PPP1R1C: variants seen among roughly 807,000 people sequenced by gnomAD.
The protein encoded by PPP1R1C is protein phosphatase 1 regulatory inhibitor subunit 1C.
PPP1R1C carries 15 observed loss-of-function variants against 17.4 expected under a neutral mutation model. That is an observed-to-expected ratio of 0.86 (90% CI 0.58 to 1.33). PPP1R1C has a LOEUF of 1.33. Among genes scored for constraint, PPP1R1C ranks in the 40% most tolerant of loss-of-function variants. The pLI, the probability that PPP1R1C is intolerant of heterozygous loss-of-function variation, is 0.00. For synonymous variants in PPP1R1C, 35 were observed against 43.1 expected, an observed-to-expected ratio of 0.81 and a Z score of 0.73; for missense variants, 143 against 130.0, an observed-to-expected ratio of 1.10 and a Z score of -0.48.
intron 2 of PPP1R1C, among the ~76,000 whole-genome samples, chr2:182,061,044 A>G (rs1687834565): frequency 6.6e-6 from 1 of 152,080 alleles, no homozygotes; most frequent in South Asian, 2.1e-4. Context: ...AGGAGATTTG[A>G]TTTGGGTAGT....
chr2:181,972,110 G>A (rs1385665413), intron 1 of PPP1R1C, among the ~76,000 whole-genome samples: 1 of 152,200 alleles, frequency 6.6e-6, no homozygotes. Flanking sequence ...TTTCTGCCAA[G>A]GGGACAATTG....
At chr2:182,071,090 A>G (rs559311484) in intron 4 of PPP1R1C, among the ~76,000 whole-genome samples, 9 of 152,268 alleles carry the variant, frequency 5.9e-5, no homozygotes, top group Non-Finnish European at 8.8e-5. Context: ...GGGGACACAG[A>G]TCCATGCCTT....
chr2:182,002,380 A>T (rs1153735), intron 2 of PPP1R1C, among the ~76,000 whole-genome samples: 32,842 of 152,004 alleles, frequency 0.22, 4,380 homozygotes, highest in Admixed American at 0.39. Flanking sequence ...GACATAAAAT[A>T]AATTGAGAAG....
intron 2 of PPP1R1C, among the ~76,000 whole-genome samples, chr2:182,013,412 G>C (rs1274965026): frequency 6.6e-6 from 1 of 152,028 alleles, no homozygotes; most frequent in Non-Finnish European, 1.5e-5. Flanking sequence ...ATATATTGTA[G>C]CTCTGTTGTA....
At chr2:182,119,579 C>T (rs544585728), downstream of PPP1R1C, among the ~76,000 whole-genome samples, 35 of 152,252 alleles carry the variant, frequency 2.3e-4, no homozygotes, top group African/African-American at 7.7e-4. Context: ...TGTTTCCTGA[C>T]TTTTTAATGA....
intron 2 of PPP1R1C, among the ~76,000 whole-genome samples, chr2:182,015,786 G>A (rs188303443): frequency 1.1e-4 from 17 of 152,042 alleles, no homozygotes; most frequent in Non-Finnish European, 2.2e-4. Flanking sequence ...GATCTAAGTC[G>A]CAAAAAAGTC....
Position 182,012,096 on chromosome 2 carries a change from T to C in PPP1R1C, c.142+24197T>C, listed in dbSNP as rs529013176. Among the ~76,000 whole-genome samples the C allele has an allele frequency of 8.5e-4, 129 of 152,186 alleles. 1 individual carries two copies. Among genetic ancestry groups the C allele is most frequent in the African/African-American group, 2.6e-3 (109 of 41,568 alleles). ...AAGAAGAAGGTGTATTTTATGGCCA[T>C]TGGATAACCTGTAAATATCTATTAG... On this transcript the variant is annotated intron_variant, in intron 2 of 4. Transcript: ENST00000682840.
At chr2:182,069,190 G>A (rs1688071792) in intron 4 of PPP1R1C, among the ~76,000 whole-genome samples, 1 of 151,880 alleles carries the variant, frequency 6.6e-6, no homozygotes, top group Non-Finnish European at 1.5e-5. Context: ...TGTGTAGGGT[G>A]GGGCATATTT....
intron 4 of PPP1R1C, among the ~76,000 whole-genome samples, chr2:182,066,043 A>T (rs1687973730): frequency 6.6e-6 from 1 of 152,130 alleles, no homozygotes; most frequent in Non-Finnish European, 1.5e-5. Flanking sequence ...TGGAGACTTC[A>T]ATTATGCCTG....
chr2:182,033,811 C>T (rs77116163), intron 2 of PPP1R1C, among the ~76,000 whole-genome samples: 2,681 of 152,226 alleles, frequency 0.018, 70 homozygotes, highest in African/African-American at 0.061. Context: ...AAAGGCCCGC[C>T]ACAATGTTTC....
intron 4 of PPP1R1C, among the ~76,000 whole-genome samples, chr2:182,094,630 G>C (rs1009340834): frequency 1.3e-5 from 2 of 152,236 alleles, no homozygotes; most frequent in Non-Finnish European, 2.9e-5. Flanking sequence ...ACAACCGACA[G>C]TCTAGAGTGA....
chr2:181,963,556 T>A (rs1261422436), intron 1 of PPP1R1C, among the ~76,000 whole-genome samples: 2 of 152,134 alleles, frequency 1.3e-5, no homozygotes, highest in Non-Finnish European at 2.9e-5. Context: ...GGAGAATTGC[T>A]TCAACTGGGA....
chr2:182,020,922 A>T (rs1222088541), intron 2 of PPP1R1C, among the ~76,000 whole-genome samples: 2 of 152,160 alleles, frequency 1.3e-5, no homozygotes, highest in Non-Finnish European at 2.9e-5. Context: ...AGGTCACTTT[A>T]TCCAAATACA....
intron 2 of PPP1R1C, among the ~76,000 whole-genome samples, chr2:182,050,217 T>C (rs1687468810): frequency 6.6e-6 from 1 of 152,242 alleles, no homozygotes; most frequent in Admixed American, 6.5e-5. Flanking sequence ...CCTAGTTTTA[T>C]ATAGATTATC....
intron 2 of PPP1R1C, among the ~76,000 whole-genome samples, chr2:182,017,888 G>A (rs1442885023): frequency 1.3e-5 from 2 of 152,208 alleles, no homozygotes; most frequent in East Asian, 3.9e-4. Context: ...CAAAGGGAAA[G>A]ATCATACTTT....
At chr2:182,079,076 A>G (rs1313355391) in intron 4 of PPP1R1C, among the ~76,000 whole-genome samples, 2 of 152,260 alleles carry the variant, frequency 1.3e-5, no homozygotes, top group East Asian at 3.8e-4. Context: ...GATCAGAAAT[A>G]TAGTTGACTC....
chr2:181,973,326 T>G (rs1484391241), intron 1 of PPP1R1C, among the ~76,000 whole-genome samples: 1 of 152,202 alleles, frequency 6.6e-6, no homozygotes, highest in Non-Finnish European at 1.5e-5. Context: ...TAAGCCTACA[T>G]TCTGCATGGA....
intron 2 of PPP1R1C, among the ~76,000 whole-genome samples, chr2:181,998,702 C>T (rs886164179): frequency 1.1e-4 from 16 of 152,128 alleles, no homozygotes; most frequent in African/African-American, 3.4e-4. Flanking sequence ...TGTTTATTTG[C>T]CATAGAGAAC....
chr2:181,997,247 AAAAG>A (rs1685640790), intron 2 of PPP1R1C, among the ~76,000 whole-genome samples: 1 of 149,780 alleles, frequency 6.7e-6, no homozygotes, highest in Non-Finnish European at 1.5e-5. Context: ...AAAAAAAAAG[AAAAG>A]AAGACATATA....
Sources: allele counts gnomAD v4.1 joint callset (sites outside exome capture counted in the v4.1 genomes callset), GRCh38; gene constraint gnomAD v4.1.1; transcripts MANE v1.5; gene names NCBI Gene and HGNC (gene_info 2026-07-23, HGNC 2026-07-21).